Variants in VPS13A observed in about 807,000 individuals in gnomAD.
VPS13A encodes intermembrane lipid transfer protein VPS13A.
Under a neutral mutation model 390.9 loss-of-function variants are expected in VPS13A, and 264 were observed. That is an observed-to-expected ratio of 0.68 (90% CI 0.61 to 0.75). The LOEUF (loss-of-function observed/expected upper bound fraction) is 0.75, where lower values mean the gene tolerates loss of function less well. VPS13A is among the 30% of genes least tolerant of loss of function. VPS13A has a pLI of 0.00. For synonymous variants in VPS13A, 1,231 were observed against 1,227.1 expected (o/e 1.00, Z -0.07); for missense variants, 3,409 against 3,733.9 (o/e 0.91, Z 2.27).
intron 71 of VPS13A, among the ~76,000 whole-genome samples, chr9:77,414,578 A>G (rs1464420284): frequency 6.6e-6 from 1 of 150,444 alleles, no homozygotes; most frequent in Non-Finnish European, 1.5e-5. Flanking sequence ...ATCACACACC[A>G]GGGCCTGTTA....
At chr9:77,365,340 A>G (rs1832374780) in intron 59 of VPS13A, 120 bp from the exon 60 acceptor site, 3 of 693,472 alleles carry the variant, frequency 4.3e-6, no homozygotes, top group South Asian at 3.2e-5. Flanking sequence ...TTCTGAGGCA[A>G]TCATAAGCAA....
chr9:77,379,120 G>T (rs1833285068), intron 67 of VPS13A, among the ~76,000 whole-genome samples: 1 of 139,416 alleles, frequency 7.2e-6, no homozygotes, highest in African/African-American at 2.7e-5. Flanking sequence ...TGTCACCCAG[G>T]CTGGAGCAGT....
chr9:77,271,639 T>C (rs766285319), intron 23 of VPS13A, among the ~76,000 whole-genome samples: 28 of 152,152 alleles, frequency 1.8e-4, no homozygotes, highest in Middle Eastern at 3.2e-3. Context: ...AAAATACTAA[T>C]ACATGTAGCA....
At chr9:77,379,195 C>G (rs1472377832) in intron 67 of VPS13A, among the ~76,000 whole-genome samples, 2 of 149,902 alleles carry the variant, frequency 1.3e-5, no homozygotes, top group East Asian at 3.9e-4. Context: ...GCCTCAGCCT[C>G]CTGAGTAGCT....
At chr9:77,379,154 C>T (rs1833287225) in intron 67 of VPS13A, among the ~76,000 whole-genome samples, 1 of 141,514 alleles carries the variant, frequency 7.1e-6, no homozygotes, top group Non-Finnish European at 1.5e-5. Context: ...CTCACTGCAA[C>T]CTCTGCCTCC....
chr9:77,293,048 A>G (rs1318124355), intron 31 of VPS13A, among the ~76,000 whole-genome samples: 7 of 152,092 alleles, frequency 4.6e-5, no homozygotes, highest in Non-Finnish European at 1.0e-4. Context: ...ATGAAAATGC[A>G]TATTCAGATA....
chr9:77,300,843 T>C (rs1399942183), intron 33 of VPS13A, among the ~76,000 whole-genome samples: 2 of 152,242 alleles, frequency 1.3e-5, no homozygotes, highest in Admixed American at 1.3e-4. Context: ...TTAATCCAAC[T>C]TGACTGCAAT....
intron 31 of VPS13A, among the ~76,000 whole-genome samples, chr9:77,292,607 G>C (rs1827743043): frequency 6.6e-6 from 1 of 152,082 alleles, no homozygotes; most frequent in Non-Finnish European, 1.5e-5. Context: ...TGGTTCTGGA[G>C]GATTCTTTGT....
intron 71 of VPS13A, among the ~76,000 whole-genome samples, chr9:77,407,982 T>C (rs766853868): frequency 2.0e-5 from 3 of 152,202 alleles, no homozygotes; most frequent in Non-Finnish European, 4.4e-5. Flanking sequence ...ACTGCATAGC[T>C]ACCGTGATTT....
At chr9:77,212,663 A>G (rs1826034880) in intron 7 of VPS13A, among the ~76,000 whole-genome samples, 1 of 152,176 alleles carries the variant, frequency 6.6e-6, no homozygotes, top group South Asian at 2.1e-4. Flanking sequence ...TAGCTCCTAG[A>G]ACATTCTTTT....
In VPS13A at chr9:77,295,543, C is replaced by CT; in HGVS notation, c.3513dup (p.Ile1172TyrfsTer3). 1 of 1,605,094 alleles carries CT rather than the reference C, an allele frequency of 6.2e-7. No individual in the cohort carries two copies. The highest frequency in any genetic ancestry group is 8.5e-7 in the Non-Finnish European group (1 of 1,174,188). ...GAATATAATTCTGTTATCTTACAGG[C>CT]TTTTATAGATAATTTTCAGGCAGCT... On this transcript the variant is annotated frameshift_variant and splice_region_variant, in exon 33 of 72. Transcript: ENST00000360280. LOFTEE classifies it high-confidence loss of function.
intron 4 of VPS13A, 23 bp downstream of exon 4, chr9:77,205,431 A>G (rs368612324): frequency 5.2e-6 from 6 of 1,150,222 alleles, no homozygotes; most frequent in South Asian, 2.4e-5. Context: ...TAAAAAAATT[A>G]TAATTTAAGT....
chr9:77,390,700 A>G (rs1464193657), intron 68 of VPS13A, among the ~76,000 whole-genome samples: 1 of 124,398 alleles, frequency 8.0e-6, no homozygotes, highest in Non-Finnish European at 1.6e-5. Flanking sequence ...TGTTGTTGAG[A>G]CAAGGTCTCA....
intron 31 of VPS13A, among the ~76,000 whole-genome samples, chr9:77,284,017 A>G (rs1827191241): frequency 6.8e-6 from 1 of 146,800 alleles, no homozygotes. Flanking sequence ...TGCATTTTAG[A>G]TACATTTGAG....
At chr9:77,364,541 C>T (rs752463731) in intron 59 of VPS13A, among the ~76,000 whole-genome samples, 6 of 152,182 alleles carry the variant, frequency 3.9e-5, no homozygotes, top group African/African-American at 9.7e-5. Flanking sequence ...GAAATGCTGA[C>T]GTCCTGTTCT....
intron 70 of VPS13A, among the ~76,000 whole-genome samples, chr9:77,406,606 G>A (rs1338112051): frequency 1.3e-5 from 2 of 151,786 alleles, no homozygotes; most frequent in South Asian, 2.1e-4. Flanking sequence ...TAGTACAGAC[G>A]GTGTTTCACC....
At chr9:77,355,312 C>G (rs1269801862) in intron 54 of VPS13A, among the ~76,000 whole-genome samples, 1 of 152,156 alleles carries the variant, frequency 6.6e-6, no homozygotes, top group African/African-American at 2.4e-5. Flanking sequence ...TACTTAATAA[C>G]ATTTAACACA....
chr9:77,412,267 C>T (rs1331992279), intron 71 of VPS13A, among the ~76,000 whole-genome samples: 1 of 152,068 alleles, frequency 6.6e-6, no homozygotes, highest in Non-Finnish European at 1.5e-5. Flanking sequence ...ATCCTGATAC[C>T]AAAGCCTGGC....
At position 77,417,045 on chromosome 9, in the gene VPS13A, C is replaced by T. The variant is rs1159796064; in HGVS notation, c.*1039C>T. On this transcript the variant is annotated 3_prime_UTR_variant, in exon 72 of 72. Coordinates refer to ENST00000360280, the MANE Select transcript of VPS13A (RefSeq NM_033305.3). ...ATTTACAGCTCATCACAGAAATCATCAGCTATACATTAGTAAAAATAAGGA... is the reference window on the plus strand; with the variant it reads ...ATTTACAGCTCATCACAGAAATCATTAGCTATACATTAGTAAAAATAAGGA... 2.0e-5 allele frequency: 3 copies of T among 152,196 alleles called. No homozygotes were observed. The highest frequency in any genetic ancestry group is 4.4e-5 in the Non-Finnish European group (3 of 68,026). 9.4% of individuals were successfully genotyped at this position (152,196 alleles called of 1,614,324 possible). A position where few individuals can be genotyped will look rare whatever the true frequency, so the allele number is the denominator to read the frequency against.
Sources: allele counts gnomAD v4.1 joint callset (sites outside exome capture counted in the v4.1 genomes callset), GRCh38; gene constraint gnomAD v4.1.1; transcripts MANE v1.5; gene names NCBI Gene and HGNC (gene_info 2026-07-23, HGNC 2026-07-21).